The following PPP2R3B variants were observed in gnomAD, a reference collection of about 807,000 sequenced individuals.
The protein encoded by PPP2R3B is serine/threonine-protein phosphatase 2A regulatory subunit B'' subunit beta.
A neutral mutation model predicts 72.9 loss-of-function variants in PPP2R3B; 68 were observed. The observed-to-expected ratio is 0.93, with a 90% CI of 0.77 to 1.14. The LOEUF (loss-of-function observed/expected upper bound fraction) is 1.14. Among genes scored for constraint, PPP2R3B ranks in the 50% most tolerant of loss-of-function variants. PPP2R3B has a pLI of 0.00. For missense variants in PPP2R3B, 1,018 were observed against 842.0 expected (o/e 1.21, Z -2.59); for synonymous variants, 466 against 375.8 (o/e 1.24, Z -2.78).
chrX:361,693 C>G, intron 1 of PPP2R3B, 103 bp from the exon 2 acceptor site: 1 of 1,318,540 alleles, frequency 7.6e-7, no homozygotes, highest in Non-Finnish European at 1.1e-6. Context: ...AGTGCTGAGG[C>G]CACCTGATCC....
At chrX:363,890 T>C (rs1270874048) in intron 1 of PPP2R3B, among the ~76,000 whole-genome samples, 1 of 152,230 alleles carries the variant, frequency 6.6e-6, no homozygotes, top group African/African-American at 2.4e-5. Flanking sequence ...TGTTTGGCAA[T>C]ATAGCAATGA....
intron 1 of PPP2R3B, among the ~76,000 whole-genome samples, chrX:383,862 A>C (rs1249816191): frequency 2.7e-5 from 4 of 148,968 alleles, no homozygotes. Context: ...AAAAAAAAAA[A>C]AAAAACCAAA....
At chrX:371,455 C>G (rs1265461749) in intron 1 of PPP2R3B, among the ~76,000 whole-genome samples, 1 of 152,052 alleles carries the variant, frequency 6.6e-6, no homozygotes, top group East Asian at 1.9e-4. Context: ...GGAGGAGGAG[C>G]TTGGGTTCAC....
Position 338,635 on chromosome X carries a change from C to T in PPP2R3B, c.1546G>A (p.Glu516Lys), listed in dbSNP as rs764997273. 17 of 1,610,898 alleles carry T rather than the reference C, an allele frequency of 1.1e-5. No individual in the cohort carries two copies. The highest frequency in any genetic ancestry group is 2.2e-5 in the East Asian group (1 of 44,868). ...TCCCAGGGCTCTCCCGCAGTCTCCT[C>T]GGCCACCAGGATGTCGTACTCCTCG... ...AAEEYDILVA[E>K]ETAGEPWEDG... The change falls in exon 12 of 13, where the codon GAG becomes AAG. Residue 516 changes from glutamate to lysine, a missense_variant. Transcript: ENST00000390665.
rs185525082 is a variant in PPP2R3B, at chrX:359,281, C to G, written c.510+2124G>C. ...CCAGTGAAGGAACTCTCAGAGATAC[C>G]CCACAACTTCAAGAGCACCAAGGAT... On this transcript the variant is annotated intron_variant, in intron 2 of 12. Coordinates refer to ENST00000390665, the MANE Select transcript of PPP2R3B (RefSeq NM_013239.5). 5.2e-4 allele frequency among the ~76,000 whole-genome samples: 79 copies of G among 152,250 alleles called. 1 individual carries two copies. Among genetic ancestry groups the G allele is most frequent in the Non-Finnish European group, 9.6e-4 (65 of 68,016 alleles).
At chrX:352,636 C>T (rs956998551) in intron 2 of PPP2R3B, among the ~76,000 whole-genome samples, 11 of 151,858 alleles carry the variant, frequency 7.2e-5, no homozygotes, top group Admixed American at 2.6e-4. Context: ...CAGGAAACAC[C>T]GCCGGCCCCA....
intron 1 of PPP2R3B, among the ~76,000 whole-genome samples, chrX:386,102 T>TAATAA (rs200283641): frequency 2.0e-5 from 3 of 151,880 alleles, no homozygotes; most frequent in South Asian, 2.1e-4. Flanking sequence ...CAAATTAAAA[T>TAATAA]AATAAAATAA....
intron 8 of PPP2R3B, 86 bp from the exon 9 acceptor site, chrX:341,482 G>T: frequency 7.1e-7 from 1 of 1,413,860 alleles, no homozygotes; most frequent in Non-Finnish European, 9.9e-7. Flanking sequence ...GCGCCTCGGT[G>T]AGGGGAGCCC....
intron 2 of PPP2R3B, among the ~76,000 whole-genome samples, chrX:352,298 G>A (rs2071346815): frequency 6.6e-6 from 1 of 152,242 alleles, no homozygotes; most frequent in Non-Finnish European, 1.5e-5. Context: ...GCCCGGCAAC[G>A]CGGCGGCACG....
Position 340,945 on chromosome X carries a change from G to A in PPP2R3B, c.1176-5C>T, listed in dbSNP as rs200592165. 6.6e-5 allele frequency: 106 copies of A among 1,608,568 alleles called. No individual in the cohort carries two copies. Among genetic ancestry groups the A allele is most frequent in the Non-Finnish European group, 7.8e-5 (92 of 1,177,934 alleles). On this transcript the variant is annotated splice_region_variant and splice_polypyrimidine_tract_variant and intron_variant, in intron 9 of 12. Transcript: ENST00000390665. ...CAGCGGAACCAGTACTCGATGCTGC[G>A]GCACGGCGAGCTCTGTCAGCCCCTG...
intron 2 of PPP2R3B, among the ~76,000 whole-genome samples, chrX:352,275 G>A (rs192201691): frequency 4.8e-4 from 73 of 152,332 alleles, no homozygotes; most frequent in African/African-American, 1.7e-3. Flanking sequence ...CAGAAAGACC[G>A]ACTCCTTGTG....
chrX:346,071 G>GA (rs2071201500), intron 6 of PPP2R3B, 103 bp downstream of exon 6: 59 of 545,460 alleles, frequency 1.1e-4, no homozygotes, highest in Admixed American at 1.6e-4. Context: ...GTGGGAGAGG[G>GA]GGTGGGAGGG....
chrX:364,184 G>A lies in PPP2R3B; in HGVS notation c.325-2594C>T, dbSNP rs184531594. Among the ~76,000 whole-genome samples the A allele has an allele frequency of 2.2e-3, 335 of 152,340 alleles. 2 individuals are homozygous for A. The highest frequency in any genetic ancestry group is 7.6e-3 in the African/African-American group (318 of 41,582). On this transcript the variant is annotated intron_variant, in intron 1 of 12. Coordinates refer to ENST00000390665, the MANE Select transcript of PPP2R3B (RefSeq NM_013239.5). ...TCCTCCGGGGAAGCTCCCAGAACGC[G>A]TCACCTTCAGTGGGAAGAATGAGCT...
At position 361,522 on chromosome X, in the gene PPP2R3B, G is replaced by A. The variant is rs17855192; in HGVS notation, c.393C>T (p.Pro131=). 0.33 allele frequency: 538,021 copies of A among 1,613,534 alleles called. 92,295 individuals carry two copies. Among genetic ancestry groups the A allele is most frequent in the Non-Finnish European group, 0.36 (425,905 of 1,179,534 alleles). Residue 131 remains proline, a synonymous_variant, in exon 2 of 13, where the codon CCC becomes CCT. Transcript: ENST00000390665. ...TGACGGAGTCCTGCGGGCGTCCTCT[G>A]GGGAAGTAGAAGGTCGGAATGCTTT... ...TSQSIPTFYF[P]RGRPQDSVNV...
At chrX:367,988 G>A (rs1337191865) in intron 1 of PPP2R3B, among the ~76,000 whole-genome samples, 2 of 152,232 alleles carry the variant, frequency 1.3e-5, no homozygotes, top group African/African-American at 2.4e-5. Flanking sequence ...GTCAGTCAGG[G>A]GAAGACAGGC....
At chrX:368,413 G>A (rs1321282309) in intron 1 of PPP2R3B, among the ~76,000 whole-genome samples, 1 of 78,924 alleles carries the variant, frequency 1.3e-5, no homozygotes, top group Non-Finnish European at 2.5e-5. Flanking sequence ...GCACCGACAC[G>A]GGGAAGGCCG....
At chrX:369,514 GA>G (rs1305097897) in intron 1 of PPP2R3B, among the ~76,000 whole-genome samples, 1 of 152,082 alleles carries the variant, frequency 6.6e-6, no homozygotes. Flanking sequence ...GTCCATATAC[GA>G]CCAAAAACAA....
intron 2 of PPP2R3B, among the ~76,000 whole-genome samples, chrX:352,083 C>T (rs937087970): frequency 6.6e-6 from 1 of 152,166 alleles, no homozygotes; most frequent in African/African-American, 2.4e-5. Flanking sequence ...CGAAAATTAC[C>T]TCCAAATGAA....
chrX:361,765 C>T (rs2071546779), intron 1 of PPP2R3B, 175 bp from the exon 2 acceptor site: 1 of 242,060 alleles, frequency 4.1e-6, no homozygotes, highest in Non-Finnish European at 6.7e-6. Context: ...CACTGCAGGG[C>T]CCACCTTCAC....
Sources: gnomAD v4.1 joint callset for allele counts (sites outside exome capture counted in the v4.1 genomes callset) on GRCh38, gnomAD v4.1.1 for gene constraint, MANE v1.5 for transcripts, NCBI Gene and HGNC (gene_info 2026-07-23, HGNC 2026-07-21) for gene names.